SLC27A2: variants seen among roughly 807,000 people sequenced by gnomAD.
SLC27A2 encodes long-chain fatty acid transport protein 2.
A neutral mutation model predicts 60.0 loss-of-function variants in SLC27A2; 54 were observed. The observed-to-expected ratio is 0.90, with a 90% confidence interval of 0.72 to 1.13. The LOEUF (loss-of-function observed/expected upper bound fraction) is 1.13, where lower values mean the gene tolerates loss of function less well. Ranked by LOEUF, SLC27A2 falls within the 50% of genes most tolerant of loss-of-function variation. SLC27A2 has a pLI of 0.00. For synonymous variants in SLC27A2, 297 were observed against 297.6 expected, an observed-to-expected ratio of 1.00 and a Z score of 0.02; for missense variants, 739 against 777.6, an observed-to-expected ratio of 0.95 and a Z score of 0.59.
chr15:50,225,895 C>T, intron 5 of SLC27A2, 93 bp from the exon 6 acceptor site: 2 of 819,472 alleles, frequency 2.4e-6, no homozygotes, highest in South Asian at 3.8e-5. Context: ...ATTTCTTCAA[C>T]CTGTACGCCT....
chr15:50,232,456 G>A (rs560809800), intron 8 of SLC27A2, among the ~76,000 whole-genome samples: 3 of 152,296 alleles, frequency 2.0e-5, no homozygotes, highest in South Asian at 2.1e-4. Flanking sequence ...ACCAGTGGGT[G>A]TCATATTAGA....
chr15:50,233,880 G>A lies in SLC27A2; in HGVS notation c.1568G>A (p.Arg523His), dbSNP rs373587117. ...ACTTTATTTCTAGATCATGAGGGTC[G>A]CATTGGCATGGCCTCCATCAAAATG... is the stretch of plus-strand genomic sequence containing the variant. The part of the protein sequence containing the change: ...YGVHVPDHEG[R>H]IGMASIKMKE... The change falls in exon 9 of 10, where the codon CGC (arginine) becomes CAC (histidine). Residue 523 changes from arginine (R) to histidine (H), a missense_variant. Transcript: ENST00000267842. 8.1e-6 allele frequency: 13 copies of A among 1,611,776 alleles called. No individual in the cohort carries two copies. Among genetic ancestry groups the A allele is most frequent in the Admixed American group, 5.0e-5 (3 of 59,568 alleles).
chr15:50,199,497 G>GA (rs1171404424), intron 2 of SLC27A2, among the ~76,000 whole-genome samples: 9 of 141,994 alleles, frequency 6.3e-5, no homozygotes, highest in East Asian at 2.1e-4. Flanking sequence ...AAAAAAGAAA[G>GA]AAAAAAAAAG....
chr15:50,217,156 C>T (rs1271982026), intron 4 of SLC27A2, among the ~76,000 whole-genome samples: 1 of 152,050 alleles, frequency 6.6e-6, no homozygotes, highest in African/African-American at 2.4e-5. Flanking sequence ...GTATACTGCT[C>T]AGGTGATGGG....
chr15:50,203,953 C>T (rs1425895801), intron 3 of SLC27A2, among the ~76,000 whole-genome samples: 1 of 152,096 alleles, frequency 6.6e-6, no homozygotes, highest in African/African-American at 2.4e-5. Flanking sequence ...GCCTCCAGAA[C>T]TGCAAGAGAT....
At chr15:50,228,385 A>AC (rs2140913666) in intron 7 of SLC27A2, among the ~76,000 whole-genome samples, 1 of 148,856 alleles carries the variant, frequency 6.7e-6, no homozygotes, top group South Asian at 2.1e-4. Context: ...TCAAAAAAAA[A>AC]AAAAAAAAAA....
At chr15:50,192,116 T>C (rs2044979235) in intron 1 of SLC27A2, among the ~76,000 whole-genome samples, 1 of 151,508 alleles carries the variant, frequency 6.6e-6, no homozygotes. Flanking sequence ...TACAAAAGAC[T>C]CAAGAAAATA....
At position 50,182,601 on chromosome 15, in the gene SLC27A2, G is replaced by C; in HGVS notation, c.174G>C (p.Ala58=). The C allele has an allele frequency of 1.2e-6, 2 of 1,613,628 alleles. No individual in the cohort carries two copies. Among genetic ancestry groups the C allele is most frequent in the Non-Finnish European group, 1.7e-6 (2 of 1,179,736 alleles). The change falls in exon 1 of 10, where the codon GCG becomes GCC. Residue 58 remains alanine (A), a synonymous_variant. Transcript: ENST00000267842. The stretch of plus-strand genomic sequence containing the variant: ...GGCCGGCGCGCACCATCCTGCGGGC[G>C]TTCCTGGAGAAAGCGCGCCAGACGC... ...KRRPARTILR[A]FLEKARQTPH...
chr15:50,201,587 G>GCA (rs2045063755), intron 2 of SLC27A2, among the ~76,000 whole-genome samples: 1 of 149,786 alleles, frequency 6.7e-6, no homozygotes, highest in African/African-American at 2.5e-5. Flanking sequence ...ATGGAGTCTT[G>GCA]CTCTGTCACC....
intron 8 of SLC27A2, among the ~76,000 whole-genome samples, chr15:50,230,228 T>A (rs1595693329): frequency 9.1e-6 from 1 of 109,504 alleles, no homozygotes; most frequent in Non-Finnish European, 1.8e-5. Flanking sequence ...AGCAAGACTC[T>A]GTCTCACCAA....
At chr15:50,188,078 C>T (rs909820008) in intron 1 of SLC27A2, among the ~76,000 whole-genome samples, 3 of 151,960 alleles carry the variant, frequency 2.0e-5, no homozygotes, top group Admixed American at 1.3e-4. Context: ...TCTTACAGTC[C>T]AGTAAAAGAA....
intron 3 of SLC27A2, among the ~76,000 whole-genome samples, chr15:50,205,004 G>A (rs889715670): frequency 6.6e-6 from 1 of 150,644 alleles, no homozygotes; most frequent in African/African-American, 2.4e-5. Flanking sequence ...CTTACTGCAA[G>A]CTAACTTTTA....
At chr15:50,191,835 G>A (rs956315564) in intron 1 of SLC27A2, among the ~76,000 whole-genome samples, 6 of 152,100 alleles carry the variant, frequency 3.9e-5, no homozygotes, top group South Asian at 2.1e-4. Context: ...CAAGGTGGGC[G>A]GATCACTTGA....
At chr15:50,228,260 C>T (rs2045290810) in intron 7 of SLC27A2, among the ~76,000 whole-genome samples, 1 of 151,272 alleles carries the variant, frequency 6.6e-6, no homozygotes, top group African/African-American at 2.4e-5. Context: ...GCCTGTAGTC[C>T]CAGCTACTTG....
chr15:50,216,610 G>GTGTGTGTGTGTATATATATATA (rs1323910367), intron 4 of SLC27A2, among the ~76,000 whole-genome samples: 1 of 66,492 alleles, frequency 1.5e-5, no homozygotes, highest in Non-Finnish European at 3.0e-5. Flanking sequence ...GTGTGTGTGT[G>GTGTGTGTGTGTATATATATATA]TATATATATA....
In SLC27A2 at chr15:50,229,008, C is replaced by T; in HGVS notation, c.1521C>T (p.Val507=). 1 of 1,613,566 alleles carries T rather than the reference C, an allele frequency of 6.2e-7. No homozygotes were observed. Among genetic ancestry groups the T allele is most frequent in the East Asian group, 2.2e-5 (1 of 44,882 alleles). The change falls in exon 8 of 10, where the codon GTC becomes GTT. Residue 507 remains valine, a synonymous_variant. Transcript: ENST00000267842. Reference sequence around the variant, plus strand: ...ATACAGTTGGACTGGTTGATTTTGTCCAAGAAGTAAATGTTTATGGAGTGC... The same window carrying T: ...ATACAGTTGGACTGGTTGATTTTGTTCAAGAAGTAAATGTTTATGGAGTGC... ...VADTVGLVDF[V]QEVNVYGVHV...
chr15:50,234,209 G>A (rs996797232), intron 9 of SLC27A2, among the ~76,000 whole-genome samples: 2 of 152,104 alleles, frequency 1.3e-5, no homozygotes, highest in Non-Finnish European at 1.5e-5. Flanking sequence ...ACTTTGGGAG[G>A]CCGAGGTGGG....
At chr15:50,192,479 C>G (rs149143777) in intron 1 of SLC27A2, among the ~76,000 whole-genome samples, 2 of 152,340 alleles carry the variant, frequency 1.3e-5, no homozygotes, top group East Asian at 3.9e-4. Context: ...AAGCATGACA[C>G]CAGCTTAATT....
At chr15:50,220,168 A>G (rs1011748779) in intron 4 of SLC27A2, among the ~76,000 whole-genome samples, 1 of 152,146 alleles carries the variant, frequency 6.6e-6, no homozygotes, top group Non-Finnish European at 1.5e-5. Context: ...TGTGATTATG[A>G]GCTCAGCTAC....
Sources: allele counts gnomAD v4.1 joint callset (sites outside exome capture counted in the v4.1 genomes callset), GRCh38; gene constraint gnomAD v4.1.1; transcripts MANE v1.5; gene names NCBI Gene and HGNC (gene_info 2026-07-23, HGNC 2026-07-21).